The following NOS1 variants were observed in gnomAD, a reference collection of about 807,000 sequenced individuals.
NOS1 encodes nitric oxide synthase 1.
A neutral mutation model predicts 164.5 loss-of-function variants in NOS1; 51 were observed. The ratio of observed to expected loss-of-function variants is 0.31; its 90% CI spans 0.25 to 0.39. The LOEUF is 0.39. Among genes scored for constraint, NOS1 ranks in the 10% least tolerant of loss-of-function variants. The pLI is 1.00. For synonymous variants in NOS1, 719 were observed against 745.8 expected (o/e 0.96, Z 0.59); for missense variants, 1,362 against 1,885.6 (o/e 0.72, Z 5.14).
At position 117,210,825 on chromosome 12, in the gene NOS1, T is replaced by G. The variant is rs1371705565; in HGVS notation, c.*4484A>C. On this transcript the variant is annotated 3_prime_UTR_variant, in exon 29 of 29. Coordinates refer to ENST00000317775, the MANE Select transcript of NOS1 (RefSeq NM_000620.5). ...CCGGGCATCTGGGCATGGCTGGACT[T>G]GGGAAGGATTCACCCTGTTGACTCC... 3.0e-6 allele frequency: 3 copies of G among 985,322 alleles called. No individual in the cohort carries two copies. The African/African-American group carries it at 5.2e-5, about 17-fold the overall frequency. The allele number at this position is 985,322 out of a possible 1,614,324, so 61.0% of individuals were successfully genotyped here. A position where few individuals can be genotyped will look rare whatever the true frequency, so the allele number is the denominator to read the frequency against.
Position 117,227,499 on chromosome 12 carries a change from C to A in NOS1, c.3548G>T (p.Ser1183Ile). 6.2e-7 allele frequency: 1 copy of A among 1,613,064 alleles called. No homozygotes were observed. Among genetic ancestry groups the A allele is most frequent in the Non-Finnish European group, 8.5e-7 (1 of 1,179,488 alleles). ...ATCAGGGTACATGTCTGGGGAGGAG[C>A]TGATGGAATAGTAGCGGGGCTGCAG... The part of the protein sequence containing the change: ...SLLQPRYYSI[S>I]SSPDMYPDEV... Residue 1183 changes from serine (S) to isoleucine (I), a missense_variant, in exon 23 of 29, where the codon AGC becomes ATC. Physicochemically the swap from Ser to Ile is moderately radical, Grantham distance 142. Transcript: ENST00000317775.
intron 1 of NOS1, among the ~76,000 whole-genome samples, chr12:117,359,068 T>C (rs1188903569): frequency 6.6e-6 from 1 of 152,262 alleles, no homozygotes; most frequent in East Asian, 1.9e-4. Flanking sequence ...TTCAGATGGC[T>C]GCACTGGCAA....
chr12:117,294,156 C>T (rs1481036426), intron 3 of NOS1, among the ~76,000 whole-genome samples: 1 of 152,192 alleles, frequency 6.6e-6, no homozygotes, highest in African/African-American at 2.4e-5. Flanking sequence ...GTTTAGAAAC[C>T]CTCTCGGCCA....
chr12:117,288,584 T>C (rs1872856438), intron 4 of NOS1, among the ~76,000 whole-genome samples: 1 of 152,152 alleles, frequency 6.6e-6, no homozygotes, highest in Admixed American at 6.5e-5. Flanking sequence ...GATAGACTGA[T>C]TGCAAAACAG....
Position 117,278,070 on chromosome 12 carries a change from G to A in NOS1, c.1553C>T (p.Pro518Leu), listed in dbSNP as rs1592980569. Residue 518 changes from proline to leucine, a missense_variant, in exon 9 of 29, where the codon CCT becomes CTT. Pro to Leu is a moderately conservative substitution (Grantham distance 98). Transcript: ENST00000317775. The stretch of plus-strand genomic sequence containing the variant: ...CGGCAGGACATCGAAGCGGCCTCTA[G>A]GCGGTTTCCAGCCCTGCTGTATGCA... The part of the protein sequence containing the change: ...EICIQQGWKP[P>L]RGRFDVLPLL... 5 of 1,613,794 alleles carry A rather than the reference G, an allele frequency of 3.1e-6. No individual in the cohort carries two copies. The highest frequency in any genetic ancestry group is 4.2e-6 in the Non-Finnish European group (5 of 1,179,946).
intron 2 of NOS1, among the ~76,000 whole-genome samples, chr12:117,313,915 C>T (rs1874552507): frequency 6.6e-6 from 1 of 152,186 alleles, no homozygotes; most frequent in African/African-American, 2.4e-5. Context: ...GGTTTGGGTC[C>T]CAGGCATTAA....
intron 5 of NOS1, among the ~76,000 whole-genome samples, chr12:117,287,704 G>A (rs151089459): frequency 2.0e-5 from 3 of 152,328 alleles, no homozygotes; most frequent in South Asian, 2.1e-4. Flanking sequence ...CTCCCAAAGT[G>A]CTGGGATTAC....
At chr12:117,307,233 A>C (rs1874196383) in intron 3 of NOS1, among the ~76,000 whole-genome samples, 1 of 88 alleles carries the variant, frequency 0.011, no homozygotes, top group Non-Finnish European at 0.029. Flanking sequence ...GGATACCTGG[A>C]GGTGGTAGGG....
chr12:117,312,465 G>A (rs1390449787), intron 2 of NOS1, among the ~76,000 whole-genome samples: 1 of 152,142 alleles, frequency 6.6e-6, no homozygotes, highest in African/African-American at 2.4e-5. Flanking sequence ...ATCCCAGCTG[G>A]AACACAGTGG....
At position 117,330,326 on chromosome 12, in the gene NOS1, A is replaced by ACACACC; in HGVS notation, c.725+18_725+19insGGTGTG. 1 of 1,597,092 alleles carries ACACACC rather than the reference A, an allele frequency of 6.3e-7. No individual in the cohort carries two copies. The highest frequency in any genetic ancestry group is 1.1e-5 in the South Asian group (1 of 87,744). On this transcript the variant is annotated intron_variant, in intron 2 of 28. Transcript: ENST00000317775. The surrounding 1 kb of genome is among the most constrained non-coding windows in gnomAD (Gnocchi z 4.6). ...CACACACACACACACACACACACAC[A>ACACACC]CACCCCTGTGGAGCTTACCTGTCCA...
chr12:117,285,299 C>G lies in NOS1; in HGVS notation c.1324G>C (p.Gly442Arg). The G allele has an allele frequency of 6.2e-7, 1 of 1,610,626 alleles. No individual in the cohort carries two copies. Among genetic ancestry groups the G allele is most frequent in the Non-Finnish European group, 8.5e-7 (1 of 1,177,966 alleles). Reference protein sequence around the residue: ...FDARDCTTAHGMFNYICNHVK... With the variant: ...FDARDCTTAHRMFNYICNHVK... ...TGGTTACAGATGTAGTTGAACATCCCGTGGGCCGTGGTGCAGTCACGGGCA... is the reference window on the plus strand; with the variant it reads ...TGGTTACAGATGTAGTTGAACATCCGGTGGGCCGTGGTGCAGTCACGGGCA... Residue 442 changes from glycine to arginine, a missense_variant, in exon 7 of 29, where the codon GGG becomes CGG. By Grantham distance (125) the Gly-to-Arg change is moderately radical. Coordinates refer to ENST00000317775, the MANE Select transcript of NOS1 (RefSeq NM_000620.5).
intron 3 of NOS1, among the ~76,000 whole-genome samples, chr12:117,298,316 G>C (rs1186425615): frequency 1.3e-5 from 2 of 152,082 alleles, no homozygotes; most frequent in Non-Finnish European, 2.9e-5. Context: ...TGATCTGACA[G>C]GGGGCAGAGC....
chr12:117,358,941 C>T (rs1183401622), intron 1 of NOS1, among the ~76,000 whole-genome samples: 1 of 152,230 alleles, frequency 6.6e-6, no homozygotes, highest in Non-Finnish European at 1.5e-5. Flanking sequence ...CAAAATGCCC[C>T]AATTAAGAAG....
At position 117,208,848 on chromosome 12, in the gene NOS1, G is replaced by A. The variant is rs1385174026; in HGVS notation, c.*6461C>T. On this transcript the variant is annotated 3_prime_UTR_variant, in exon 29 of 29. Transcript: ENST00000317775. ...AGTAATTCTCCTGCCTCAGCCTCCCGAGTAGATGGGATTACAGATGCCCGC... is the reference window on the plus strand; with the variant it reads ...AGTAATTCTCCTGCCTCAGCCTCCCAAGTAGATGGGATTACAGATGCCCGC... 8 of 655,862 alleles carry A rather than the reference G, an allele frequency of 1.2e-5. No individual in the cohort carries two copies. The highest frequency in any genetic ancestry group is 7.7e-4 in the Middle Eastern group (1 of 1,300). 40.6% of individuals were successfully genotyped at this position (655,862 alleles called of 1,614,324 possible).
chr12:117,212,568 C>T lies in NOS1; in HGVS notation c.*2741G>A. The stretch of plus-strand genomic sequence containing the variant: ...CCGGTGTTCCTATTTCAGGAGACGT[C>T]TCATTCCTCCTGGCCAAACTCACTT... On this transcript the variant is annotated 3_prime_UTR_variant, in exon 29 of 29. Transcript: ENST00000317775. The T allele has an allele frequency of 1.0e-6, 1 of 985,470 alleles. No homozygotes were observed. The highest frequency in any genetic ancestry group is 1.2e-6 in the Non-Finnish European group (1 of 829,950). 61.0% of individuals were successfully genotyped at this position (985,470 alleles called of 1,614,324 possible).
intron 3 of NOS1, among the ~76,000 whole-genome samples, chr12:117,291,527 G>GTGTTT (rs1241389127): frequency 1.2e-5 from 1 of 80,842 alleles, no homozygotes; most frequent in East Asian, 4.5e-4. Context: ...GATTACATCT[G>GTGTTT]TCTTTTTTTT....
intron 3 of NOS1, among the ~76,000 whole-genome samples, chr12:117,293,749 A>G (rs1399787200): frequency 6.6e-6 from 1 of 151,874 alleles, no homozygotes; most frequent in Admixed American, 6.6e-5. Context: ...TTGTATTACT[A>G]TTATTACTTC....
chr12:117,222,602 C>A (rs1956725407), intron 26 of NOS1, 113 bp downstream of exon 26: 1 of 1,012,368 alleles, frequency 9.9e-7, no homozygotes, highest in Non-Finnish European at 1.5e-6. Flanking sequence ...AGAGCAACTT[C>A]ATAGAGGGAA....
intron 12 of NOS1, among the ~76,000 whole-genome samples, chr12:117,264,694 T>A (rs1347619477): frequency 7.5e-6 from 1 of 133,686 alleles, no homozygotes; most frequent in African/African-American, 2.8e-5. Flanking sequence ...ATCCTCCCCA[T>A]CTCCCCCTCT....
Sources: allele counts gnomAD v4.1 joint callset (sites outside exome capture counted in the v4.1 genomes callset), GRCh38; gene constraint gnomAD v4.1.1; non-coding constraint Gnocchi (gnomAD v3.1); transcripts MANE v1.5; gene names NCBI Gene and HGNC (gene_info 2026-07-23, HGNC 2026-07-21).